Variants in UBR2 observed in about 807,000 individuals in gnomAD.
The protein encoded by UBR2 is ubiquitin protein ligase E3 component n-recognin 2.
UBR2 carries 92 observed loss-of-function variants against 247.9 expected under a neutral mutation model. The ratio of observed to expected loss-of-function variants is 0.37; its 90% CI spans 0.31 to 0.44. The LOEUF is 0.44. Among genes scored for constraint, UBR2 ranks in the 20% least tolerant of loss-of-function variants. The probability of loss-of-function intolerance (pLI) is 1.00; values close to 1 mark genes in which losing one functional copy is unlikely to be tolerated. For synonymous variants in UBR2, 672 were observed against 693.5 expected (o/e 0.97, Z 0.49); for missense variants, 1,613 against 2,112.6 (o/e 0.76, Z 4.64).
intron 4 of UBR2, 149 bp downstream of exon 4, chr6:42,594,453 A>C (rs982858044): frequency 3.2e-6 from 2 of 618,736 alleles, no homozygotes; most frequent in Non-Finnish European, 5.5e-6. Flanking sequence ...CATTTTGTGG[A>C]TGCTGTACGG....
At chr6:42,597,008 A>G (rs1793018391) in intron 4 of UBR2, among the ~76,000 whole-genome samples, 1 of 152,212 alleles carries the variant, frequency 6.6e-6, no homozygotes, top group Admixed American at 6.5e-5. Context: ...TATTTGGAAA[A>G]GATACTTTAG....
intron 11 of UBR2, chr6:42,619,453 A>ATATATATATTATTTTT: frequency 4.2e-5 from 1 of 23,728 alleles, no homozygotes; most frequent in Non-Finnish European, 8.4e-5. Context: ...ATATATATAT[A>ATATATATATTATTTTT]TTTTTTTTTT....
At chr6:42,629,103 G>A (rs1368591501) in intron 11 of UBR2, among the ~76,000 whole-genome samples, 5 of 151,878 alleles carry the variant, frequency 3.3e-5, no homozygotes, top group Non-Finnish European at 5.9e-5. Flanking sequence ...TGCAACCTCC[G>A]CCTCCTGGGT....
rs55993422 is a variant in UBR2 at position 42,571,736 on chromosome 6, CAAAAAAAAAAA to C, written c.79-1988_79-1978del. ...CCAGCCTGGGCGACAGCACGAGACTCAAAAAAAAAAAAAAAAAAAAGCGCTTAGGATCATTT... is the reference window on the plus strand; with the variant it reads ...CCAGCCTGGGCGACAGCACGAGACTCAAAAAAAAAGCGCTTAGGATCATTT... On this transcript the variant is annotated intron_variant, in intron 1 of 46. Transcript: ENST00000372901. 7.3e-5 allele frequency among the ~76,000 whole-genome samples: 6 copies of C among 82,130 alleles called. No individual in the cohort carries two copies. In the South Asian group the frequency reaches 2.2e-3, roughly 30 times the overall value. The allele number at this position is 82,130 out of a possible 152,430, so 53.9% of individuals were successfully genotyped here. A position where few individuals can be genotyped will look rare whatever the true frequency, so the allele number is the denominator to read the frequency against.
At position 42,659,159 on chromosome 6, in the gene UBR2, C is replaced by T. The variant is rs1422830369; in HGVS notation, c.3242+335C>T. Reference sequence around the variant, plus strand: ...TTAAAGGAGATGGTTTTGATACATACCAAAGACTTGACAATCCAAGTTATC... The same window carrying T: ...TTAAAGGAGATGGTTTTGATACATATCAAAGACTTGACAATCCAAGTTATC... On this transcript the variant is annotated intron_variant, in intron 29 of 46. Transcript: ENST00000372901. This position sits in a 1 kb window ranked among gnomAD's most constrained non-coding sequence, Gnocchi z 4.3. Among the ~76,000 whole-genome samples, 4 of 152,090 alleles carry T rather than the reference C, an allele frequency of 2.6e-5. No homozygotes were observed. The East Asian group carries it at 7.7e-4, about 29-fold the overall frequency.
intron 4 of UBR2, among the ~76,000 whole-genome samples, chr6:42,598,916 T>C (rs1226410608): frequency 6.6e-6 from 1 of 152,208 alleles, no homozygotes; most frequent in Non-Finnish European, 1.5e-5. Context: ...TTTTTTAATA[T>C]ACCACTCTAT....
At chr6:42,569,237 A>G (rs1304918642) in intron 1 of UBR2, among the ~76,000 whole-genome samples, 1 of 152,214 alleles carries the variant, frequency 6.6e-6, no homozygotes. Context: ...AAGAACTGCC[A>G]GATTTTTCCA....
At chr6:42,578,445 CAG>C (rs1049079807) in intron 2 of UBR2, among the ~76,000 whole-genome samples, 1 of 152,050 alleles carries the variant, frequency 6.6e-6, no homozygotes, top group Admixed American at 6.5e-5. Flanking sequence ...TCCTAAGTCT[CAG>C]GGATAGATGA....
At chr6:42,616,763 T>C (rs1289212285) in intron 10 of UBR2, among the ~76,000 whole-genome samples, 1 of 152,186 alleles carries the variant, frequency 6.6e-6, no homozygotes, top group African/African-American at 2.4e-5. Context: ...ACGAAGTATA[T>C]GAGAATCACT....
At chr6:42,577,031 A>G (rs77715443) in intron 2 of UBR2, among the ~76,000 whole-genome samples, 6 of 152,328 alleles carry the variant, frequency 3.9e-5, no homozygotes, top group Admixed American at 3.3e-4. Flanking sequence ...CTTTGTGTGT[A>G]GTACTTTACA....
intron 11 of UBR2, among the ~76,000 whole-genome samples, chr6:42,623,608 C>A (rs888093225): frequency 6.6e-6 from 1 of 152,070 alleles, no homozygotes; most frequent in Non-Finnish European, 1.5e-5. Context: ...CACACCACCA[C>A]GCCCAGCTAA....
chr6:42,644,142 C>A, intron 18 of UBR2, 72 bp from the exon 19 acceptor site: 2 of 1,483,236 alleles, frequency 1.3e-6, no homozygotes, highest in African/African-American at 1.4e-5. Context: ...CTATCTCTCA[C>A]TAATTGTTTC....
At chr6:42,641,793 T>C (rs1796466356) in intron 17 of UBR2, 101 bp downstream of exon 17, 1 of 829,072 alleles carries the variant, frequency 1.2e-6, no homozygotes, top group African/African-American at 1.8e-5. Context: ...TGAGTATCTA[T>C]ATTAAAATTG....
chr6:42,644,147 T>G (rs1796604088), intron 18 of UBR2, 67 bp from the exon 19 acceptor site: 1 of 1,504,736 alleles, frequency 6.6e-7, no homozygotes, highest in African/African-American at 1.4e-5. Context: ...TCTCACTAAT[T>G]GTTTCAATAG....
At chr6:42,631,877 TATATATATATATAA>T (rs1488308462) in intron 11 of UBR2, among the ~76,000 whole-genome samples, 8 of 140,124 alleles carry the variant, frequency 5.7e-5, no homozygotes, top group African/African-American at 1.3e-4. Context: ...TATATATATA[TATATATATATATAA>T]ATACAGGTTC....
At chr6:42,688,126 T>G (rs565878885) in intron 44 of UBR2, 90 bp from the exon 45 acceptor site, 60 of 1,490,644 alleles carry the variant, frequency 4.0e-5, no homozygotes, top group East Asian at 1.8e-4. Flanking sequence ...TACTTGATAT[T>G]GCAGAATTCT....
chr6:42,615,752 T>TATCTCTTTA lies in UBR2; in HGVS notation c.1094-249_1094-248insTCTCTTTAA, dbSNP rs1307224906. Among the ~76,000 whole-genome samples the TATCTCTTTA allele has an allele frequency of 7.1e-4, 93 of 130,588 alleles. 2 individuals carry two copies. In the East Asian group the frequency reaches 8.9e-3, roughly 13 times the overall value. 85.7% of individuals were successfully genotyped at this position (130,588 alleles called of 152,430 possible). A position where few individuals can be genotyped will look rare whatever the true frequency, so the allele number is the denominator to read the frequency against. On this transcript the variant is annotated intron_variant, in intron 9 of 46. Coordinates refer to ENST00000372901, the MANE Select transcript of UBR2 (RefSeq NM_001363705.2). ...CAGCCTGGGCAACAAAGCAAGACCC[T>TATCTCTTTA]AAAAAAAAAAAAAAATGCTGTGTTG... is the stretch of plus-strand genomic sequence containing the variant.
intron 42 of UBR2, among the ~76,000 whole-genome samples, chr6:42,682,418 A>G (rs983603622): frequency 6.6e-6 from 1 of 151,300 alleles, no homozygotes. Flanking sequence ...TGTTATATAT[A>G]TTTTACCACA....
intron 22 of UBR2, among the ~76,000 whole-genome samples, chr6:42,649,509 C>G (rs540815574): frequency 6.6e-6 from 1 of 152,252 alleles, no homozygotes; most frequent in South Asian, 2.1e-4. Context: ...TTGGTACATA[C>G]CTCCTAATTG....
Sources: gnomAD v4.1 joint callset for allele counts (sites outside exome capture counted in the v4.1 genomes callset) on GRCh38, gnomAD v4.1.1 for gene constraint, Gnocchi (gnomAD v3.1) non-coding constraint, MANE v1.5 for transcripts, NCBI Gene and HGNC (gene_info 2026-07-23, HGNC 2026-07-21) for gene names.